The following UBASH3B variants were observed in gnomAD, a reference collection of about 807,000 sequenced individuals.
UBASH3B encodes the protein ubiquitin associated and SH3 domain containing B.
In UBASH3B, 37 loss-of-function variants were observed where a neutral mutation model predicts 83.4. The observed-to-expected ratio is 0.44, with a 90% CI of 0.34 to 0.58. The LOEUF (loss-of-function observed/expected upper bound fraction) is 0.58. Among genes scored for constraint, UBASH3B ranks in the 20% least tolerant of loss-of-function variants. UBASH3B has a pLI of 0.01. For synonymous variants in UBASH3B, 304 were observed against 318.3 expected (o/e 0.96, Z 0.48); for missense variants, 657 against 827.2 (o/e 0.79, Z 2.52).
At chr11:122,668,454 C>T (rs1019890360) in intron 1 of UBASH3B, among the ~76,000 whole-genome samples, 3 of 152,122 alleles carry the variant, frequency 2.0e-5, no homozygotes, top group Non-Finnish European at 4.4e-5. Flanking sequence ...GCTAACCTGT[C>T]CGTAGGCCAT....
intron 1 of UBASH3B, among the ~76,000 whole-genome samples, chr11:122,766,339 G>A (rs1591804152): frequency 6.6e-6 from 1 of 152,198 alleles, no homozygotes. Flanking sequence ...GAGGTCAGGA[G>A]ATCGAGACCA....
At chr11:122,768,236 G>C (rs1369027952) in intron 1 of UBASH3B, among the ~76,000 whole-genome samples, 1 of 152,016 alleles carries the variant, frequency 6.6e-6, no homozygotes, top group East Asian at 1.9e-4. Context: ...GACCTGATTG[G>C]CTCCATTTGG....
At chr11:122,692,315 T>G (rs1308884932) in intron 1 of UBASH3B, among the ~76,000 whole-genome samples, 1 of 152,178 alleles carries the variant, frequency 6.6e-6, no homozygotes, top group East Asian at 1.9e-4. Flanking sequence ...TTACTAAACA[T>G]TAGTAAAATA....
In UBASH3B at chr11:122,777,004, G is replaced by A; in HGVS notation, c.216-20G>A. 6.4e-7 allele frequency: 1 copy of A among 1,566,450 alleles called. No individual in the cohort carries two copies. The highest frequency in any genetic ancestry group is 8.7e-7 in the Non-Finnish European group (1 of 1,154,170). On this transcript the variant is annotated intron_variant, in intron 2 of 13. Coordinates refer to ENST00000284273, the MANE Select transcript of UBASH3B (RefSeq NM_032873.5). Reference sequence around the variant, plus strand: ...CATTATTCTCAAGCGACACCTTGTTGGCTTACTTCTGTCTTACAGGTTATT... The same window carrying A: ...CATTATTCTCAAGCGACACCTTGTTAGCTTACTTCTGTCTTACAGGTTATT...
chr11:122,752,539 G>A (rs578156674), intron 1 of UBASH3B, among the ~76,000 whole-genome samples: 1 of 152,328 alleles, frequency 6.6e-6, no homozygotes, highest in South Asian at 2.1e-4. Flanking sequence ...TGAAGTAGCA[G>A]CTTCCTAAGC....
rs376391432 is a variant in UBASH3B at position 122,799,042 on chromosome 11, T to C, written c.1450+8T>C. Reference sequence around the variant, plus strand: ...CACACAATATCTTGAAAGGTAAGACTTGCAGGTTGACAAAAACAAGTAGTC... The same window carrying C: ...CACACAATATCTTGAAAGGTAAGACCTGCAGGTTGACAAAAACAAGTAGTC... On this transcript the variant is annotated splice_region_variant and intron_variant, in intron 10 of 13. Coordinates refer to ENST00000284273, the MANE Select transcript of UBASH3B (RefSeq NM_032873.5). The C allele has an allele frequency of 6.2e-7, 1 of 1,612,966 alleles. No individual in the cohort carries two copies. Among genetic ancestry groups the C allele is most frequent in the African/African-American group, 1.3e-5 (1 of 74,902 alleles).
intron 1 of UBASH3B, among the ~76,000 whole-genome samples, chr11:122,672,995 G>A (rs933729703): frequency 2.0e-5 from 3 of 152,214 alleles, no homozygotes; most frequent in African/African-American, 7.2e-5. Flanking sequence ...CTGAGGGGAT[G>A]TGCAGTGATG....
chr11:122,753,579 C>G (rs1250219007), intron 1 of UBASH3B, among the ~76,000 whole-genome samples: 1 of 147,394 alleles, frequency 6.8e-6, no homozygotes, highest in Non-Finnish European at 1.5e-5. Flanking sequence ...TCACTGCAAC[C>G]TCCTCCTCCC....
In UBASH3B at chr11:122,773,000, T is replaced by A. The variant is rs761508316; in HGVS notation, c.162-3219T>A. 2.6e-5 allele frequency among the ~76,000 whole-genome samples: 4 copies of A among 152,354 alleles called. No homozygotes were observed. The East Asian group carries it at 7.7e-4, about 29-fold the overall frequency. Reference sequence around the variant, plus strand: ...AGAAGGTTCCATTTAAATCACTGATTGCTGTAATTTGTTGCTATCATCCAA... The same window carrying A: ...AGAAGGTTCCATTTAAATCACTGATAGCTGTAATTTGTTGCTATCATCCAA... On this transcript the variant is annotated intron_variant, in intron 1 of 13. Coordinates refer to ENST00000284273, the MANE Select transcript of UBASH3B (RefSeq NM_032873.5).
chr11:122,767,528 G>C (rs576842059), intron 1 of UBASH3B, among the ~76,000 whole-genome samples: 2 of 152,092 alleles, frequency 1.3e-5, no homozygotes, highest in Non-Finnish European at 2.9e-5. Context: ...GGCCAGGATG[G>C]TCTCGATCTC....
intron 1 of UBASH3B, among the ~76,000 whole-genome samples, chr11:122,761,829 G>A (rs1861376065): frequency 1.8e-5 from 2 of 111,488 alleles, no homozygotes; most frequent in East Asian, 2.8e-4. Flanking sequence ...GTCTCACTCT[G>A]TTGCCAGGCT....
chr11:122,790,610 T>C (rs1307430670), intron 6 of UBASH3B, among the ~76,000 whole-genome samples: 1 of 152,174 alleles, frequency 6.6e-6, no homozygotes, highest in African/African-American at 2.4e-5. Context: ...ATTTTTTATT[T>C]TACAGTACTT....
chr11:122,696,341 C>CTTTTTTTTTTTTTT (rs10632310), intron 1 of UBASH3B, among the ~76,000 whole-genome samples: 1 of 146,036 alleles, frequency 6.8e-6, no homozygotes. Flanking sequence ...TTTCTTTTTT[C>CTTTTTTTTTTTTTT]TTTTTGTTTT....
At chr11:122,676,804 C>G (rs1281261502) in intron 1 of UBASH3B, among the ~76,000 whole-genome samples, 1 of 152,220 alleles carries the variant, frequency 6.6e-6, no homozygotes, top group East Asian at 1.9e-4. Flanking sequence ...TATTTCCTGG[C>G]ATCACTGTCA....
At chr11:122,684,624 T>C (rs1006280315) in intron 1 of UBASH3B, among the ~76,000 whole-genome samples, 3 of 152,126 alleles carry the variant, frequency 2.0e-5, no homozygotes, top group African/African-American at 7.2e-5. Flanking sequence ...TGTTGTTGTT[T>C]TGAGACAGAG....
chr11:122,682,337 G>C (rs1863752309), intron 1 of UBASH3B, among the ~76,000 whole-genome samples: 1 of 152,114 alleles, frequency 6.6e-6, no homozygotes, highest in Admixed American at 6.6e-5. Flanking sequence ...TCTCATCCTC[G>C]TGGCAGTTAT....
chr11:122,733,881 C>A (rs943522638), intron 1 of UBASH3B, among the ~76,000 whole-genome samples: 2 of 151,990 alleles, frequency 1.3e-5, no homozygotes, highest in Non-Finnish European at 2.9e-5. Context: ...AATGTCTCCT[C>A]TCTTTTTTTT....
intron 1 of UBASH3B, among the ~76,000 whole-genome samples, chr11:122,671,568 G>A (rs1863593165): frequency 6.6e-6 from 1 of 152,252 alleles, no homozygotes; most frequent in African/African-American, 2.4e-5. Flanking sequence ...AGACAGCTGT[G>A]TCCCCTTGCT....
At chr11:122,785,284 G>C (rs975536570) in intron 5 of UBASH3B, among the ~76,000 whole-genome samples, 6 of 152,146 alleles carry the variant, frequency 3.9e-5, no homozygotes, top group Admixed American at 3.9e-4. Context: ...GGCCCCTTTG[G>C]ACTGGACCTC....
Sources: allele counts gnomAD v4.1 joint callset (sites outside exome capture counted in the v4.1 genomes callset), GRCh38; gene constraint gnomAD v4.1.1; transcripts MANE v1.5; gene names NCBI Gene and HGNC (gene_info 2026-07-23, HGNC 2026-07-21).